Variants in SLC24A4 observed in about 807,000 individuals in gnomAD.
SLC24A4 encodes sodium/potassium/calcium exchanger 4.
SLC24A4 carries 53 observed loss-of-function variants against 79.0 expected under a neutral mutation model. That is an observed-to-expected ratio of 0.67 (90% CI 0.54 to 0.84). The LOEUF is 0.84. Among genes scored for constraint, SLC24A4 ranks in the 40% least tolerant of loss-of-function variants. SLC24A4 has a pLI of 0.00. For missense variants in SLC24A4, 731 were observed against 822.0 expected (o/e 0.89, Z 1.35); for synonymous variants, 323 against 323.8 (o/e 1.00, Z 0.03).
At chr14:92,383,677 G>A (rs946409537) in intron 2 of SLC24A4, among the ~76,000 whole-genome samples, 3 of 152,148 alleles carry the variant, frequency 2.0e-5, no homozygotes, top group African/African-American at 7.2e-5. Flanking sequence ...CCTCCGAGTG[G>A]CCCTCCCTAC....
At chr14:92,370,862 A>G (rs146140925) in intron 2 of SLC24A4, among the ~76,000 whole-genome samples, 2 of 152,314 alleles carry the variant, frequency 1.3e-5, no homozygotes, top group Non-Finnish European at 2.9e-5. Context: ...GAGGTCACAT[A>G]CAAAGGATCT....
chr14:92,343,542 A>G lies in SLC24A4; in HGVS notation c.241+17564A>G, dbSNP rs528106565. On this transcript the variant is annotated intron_variant, in intron 2 of 16. Coordinates refer to ENST00000532405, the MANE Select transcript of SLC24A4 (RefSeq NM_153646.4). ...TCCTCTTCTGCTGCCTCTGGGGTTG[A>G]AGTCTGCTCAGACAAGCTGCTCACT... Among the ~76,000 whole-genome samples the G allele has an allele frequency of 1.8e-3, 271 of 152,122 alleles. 1 individual carries two copies. Among genetic ancestry groups the G allele is most frequent in the African/African-American group, 6.4e-3 (265 of 41,484 alleles).
At chr14:92,326,717 G>A (rs553656121) in intron 2 of SLC24A4, among the ~76,000 whole-genome samples, 1 of 152,320 alleles carries the variant, frequency 6.6e-6, no homozygotes, top group South Asian at 2.1e-4. Flanking sequence ...AGCTCTGGCT[G>A]TAACCCTTAA....
chr14:92,445,379 T>C (rs1382647839), intron 8 of SLC24A4, 37 bp downstream of exon 8: 1 of 1,608,452 alleles, frequency 6.2e-7, no homozygotes, highest in Non-Finnish European at 8.5e-7. Context: ...TGTTCTTTTT[T>C]GTTGTTGTTT....
At chr14:92,436,584 T>C (rs1768083652) in intron 3 of SLC24A4, among the ~76,000 whole-genome samples, 1 of 152,236 alleles carries the variant, frequency 6.6e-6, no homozygotes, top group African/African-American at 2.4e-5. Flanking sequence ...CAGAAAAAAT[T>C]TGCTGACCTC....
chr14:92,372,698 C>T (rs1294574822), intron 2 of SLC24A4, among the ~76,000 whole-genome samples: 1 of 152,124 alleles, frequency 6.6e-6, no homozygotes, highest in Non-Finnish European at 1.5e-5. Context: ...TTTGGCCCCT[C>T]AGCTCTCTCC....
At chr14:92,334,320 C>T (rs1001433848) in intron 2 of SLC24A4, among the ~76,000 whole-genome samples, 1 of 152,200 alleles carries the variant, frequency 6.6e-6, no homozygotes, top group Non-Finnish European at 1.5e-5. Flanking sequence ...CTTGGGGAAA[C>T]TGTCACCAAC....
At chr14:92,489,109 A>G (rs1360571345) in intron 14 of SLC24A4, among the ~76,000 whole-genome samples, 1 of 152,090 alleles carries the variant, frequency 6.6e-6, no homozygotes, top group Admixed American at 6.5e-5. Flanking sequence ...GGTAACATTG[A>G]TATGATTGAC....
intron 2 of SLC24A4, among the ~76,000 whole-genome samples, chr14:92,346,442 A>G (rs549056548): frequency 3.3e-5 from 5 of 152,332 alleles, no homozygotes; most frequent in East Asian, 1.9e-4. Context: ...ACTAATTACC[A>G]TAAGTCTTGG....
chr14:92,440,116 G>A (rs1477686465), intron 4 of SLC24A4, among the ~76,000 whole-genome samples: 1 of 152,188 alleles, frequency 6.6e-6, no homozygotes, highest in Non-Finnish European at 1.5e-5. Flanking sequence ...GTTGTTCAGG[G>A]CAGGTGCTTC....
chr14:92,449,318 A>ACG (rs1463326781), intron 10 of SLC24A4, 102 bp downstream of exon 10: 7 of 913,730 alleles, frequency 7.7e-6, no homozygotes, highest in Non-Finnish European at 1.1e-5. Flanking sequence ...ACACACACAC[A>ACG]CACACCCTCT....
intron 13 of SLC24A4, chr14:92,483,850 C>T (rs1895210211): frequency 7.8e-7 from 1 of 1,289,644 alleles, no homozygotes. Context: ...TAATGCCTGA[C>T]ACCAGCAGCA....
rs1454719858 is a variant in SLC24A4 at position 92,493,857 on chromosome 14, T to G, written c.*229T>G. On this transcript the variant is annotated 3_prime_UTR_variant, in exon 17 of 17. Transcript: ENST00000532405. Reference sequence around the variant, plus strand: ...CTGCAAGGCTGGATTTGGGGGCCATTATCTGAGCAGCTTCAAAGACCCCTG... The same window carrying G: ...CTGCAAGGCTGGATTTGGGGGCCATGATCTGAGCAGCTTCAAAGACCCCTG... The G allele has an allele frequency of 3.5e-6, 2 of 565,090 alleles. No individual in the cohort carries two copies. The highest frequency in any genetic ancestry group is 1.9e-5 in the African/African-American group (1 of 53,198). The allele number at this position is 565,090 out of a possible 1,614,324, so 35.0% of individuals were successfully genotyped here. A position where few individuals can be genotyped will look rare whatever the true frequency, so the allele number is the denominator to read the frequency against.
chr14:92,409,248 C>G (rs79261015), intron 2 of SLC24A4, among the ~76,000 whole-genome samples: 1 of 152,254 alleles, frequency 6.6e-6, no homozygotes, highest in East Asian at 1.9e-4. Context: ...AGATATTGAG[C>G]AACTGGATGG....
In SLC24A4 at chr14:92,325,938, A is replaced by G. The variant is rs1201060962; in HGVS notation, c.201A>G (p.Pro67=). The change falls in exon 2 of 17, where the codon CCA becomes CCG. Residue 67 remains proline, a synonymous_variant. Coordinates refer to ENST00000532405, the MANE Select transcript of SLC24A4 (RefSeq NM_153646.4). ...GGAGAAATAGAAAGTTGATGGCCCC[A>G]GTGAATGGGACACAGACAGCCAAGA... is the stretch of plus-strand genomic sequence containing the variant. ...DTWRNRKLMA[P]VNGTQTAKNC... 1 of 1,612,868 alleles carries G rather than the reference A, an allele frequency of 6.2e-7. No individual in the cohort carries two copies. The highest frequency in any genetic ancestry group is 8.5e-7 in the Non-Finnish European group (1 of 1,179,460).
At chr14:92,380,781 G>A (rs1464669247) in intron 2 of SLC24A4, among the ~76,000 whole-genome samples, 2 of 152,218 alleles carry the variant, frequency 1.3e-5, no homozygotes, top group African/African-American at 4.8e-5. Context: ...GGCTGCGTGG[G>A]GAGGCTCAGG....
rs1428173499 is a variant in SLC24A4, at chr14:92,495,124, G to A, written c.*1496G>A. 1 of 152,608 alleles carries A rather than the reference G, an allele frequency of 6.6e-6. No homozygotes were observed. Among genetic ancestry groups the A allele is most frequent in the South Asian group, 2.1e-4 (1 of 4,836 alleles). 9.5% of individuals were successfully genotyped at this position (152,608 alleles called of 1,614,324 possible). A position where few individuals can be genotyped will look rare whatever the true frequency, so the allele number is the denominator to read the frequency against. ...AAGAACATTTTTTTGTGATTCACCAGACATCACTTTAAACTTGGTGATGAG... is the reference window on the plus strand; with the variant it reads ...AAGAACATTTTTTTGTGATTCACCAAACATCACTTTAAACTTGGTGATGAG... On this transcript the variant is annotated 3_prime_UTR_variant, in exon 17 of 17. Transcript: ENST00000532405.
At chr14:92,429,142 G>A (rs1891723845) in intron 2 of SLC24A4, among the ~76,000 whole-genome samples, 3 of 152,122 alleles carry the variant, frequency 2.0e-5, no homozygotes, top group South Asian at 4.1e-4. Flanking sequence ...CATTTCCCAC[G>A]TGTCTCGGTG....
In SLC24A4 at chr14:92,467,484, G is replaced by A. The variant is rs190113327; in HGVS notation, c.1255+10876G>A. Among the ~76,000 whole-genome samples the A allele has an allele frequency of 7.2e-5, 11 of 152,250 alleles. No individual in the cohort carries two copies. The East Asian group carries it at 2.1e-3, about 29-fold the overall frequency. ...TGAAAGACTAAAAGCTTTCCCCTAA[G>A]ATCAAGAGCAAAACAAGAGTTAAAA... On this transcript the variant is annotated intron_variant, in intron 12 of 16. Transcript: ENST00000532405.
Sources: allele counts gnomAD v4.1 joint callset (sites outside exome capture counted in the v4.1 genomes callset), GRCh38; gene constraint gnomAD v4.1.1; transcripts MANE v1.5; gene names NCBI Gene and HGNC (gene_info 2026-07-23, HGNC 2026-07-21).